Variants in WSCD2 observed in about 807,000 individuals in gnomAD.
WSCD2 encodes WSC domain sialate O sulfotransferase 2.
WSCD2 carries 28 observed loss-of-function variants against 55.7 expected under a neutral mutation model. The observed-to-expected ratio is 0.50, with a 90% confidence interval of 0.37 to 0.69. The LOEUF is 0.69. Among genes scored for constraint, WSCD2 ranks in the 30% least tolerant of loss-of-function variants. The pLI, the probability that WSCD2 is intolerant of heterozygous loss-of-function variation, is 0.00. For synonymous variants in WSCD2, 301 were observed against 301.9 expected (o/e 1.00, Z 0.03); for missense variants, 616 against 762.1 (o/e 0.81, Z 2.26).
At chr12:108,184,373 G>A (rs1033913714) in intron 1 of WSCD2, among the ~76,000 whole-genome samples, 23 of 152,204 alleles carry the variant, frequency 1.5e-4, no homozygotes, top group African/African-American at 5.6e-4. Context: ...GTGATTTGGG[G>A]GTGGGGATGG....
rs538408154 is a variant in WSCD2, at chr12:108,235,740, G to A, written c.1144+2845G>A. Among the ~76,000 whole-genome samples, 333 of 152,288 alleles carry A rather than the reference G, an allele frequency of 2.2e-3. 1 individual carries two copies. Among genetic ancestry groups the A allele is most frequent in the Admixed American group, 3.7e-3 (56 of 15,298 alleles). ...TCCTTCATTCGTACTGAGACAGGCA[G>A]GGGGTAGTGGGCTGGTCACAGGCAG... On this transcript the variant is annotated intron_variant, in intron 7 of 8. Transcript: ENST00000547525.
intron 4 of WSCD2, among the ~76,000 whole-genome samples, chr12:108,222,681 TGGAGGTCTCACTATGTTGGCCA>T (rs1565980707): frequency 6.6e-6 from 1 of 152,170 alleles, no homozygotes; most frequent in Non-Finnish European, 1.5e-5. Context: ...TTAATAGAGA[TGGAGGTCTCACTATGTTGGCCA>T]GGTTGGTCTT....
chr12:108,178,756 G>A (rs1881246177), intron 1 of WSCD2, among the ~76,000 whole-genome samples: 1 of 152,092 alleles, frequency 6.6e-6, no homozygotes, highest in African/African-American at 2.4e-5. Context: ...AATTTTAACT[G>A]GATTACCCCT....
intron 7 of WSCD2, among the ~76,000 whole-genome samples, chr12:108,234,506 T>C (rs553801577): frequency 6.6e-6 from 1 of 152,382 alleles, no homozygotes; most frequent in South Asian, 2.1e-4. Context: ...GCTTGAGTGA[T>C]TGTTTATTAA....
intron 4 of WSCD2, among the ~76,000 whole-genome samples, chr12:108,222,892 G>T (rs1276332519): frequency 6.6e-6 from 1 of 152,216 alleles, no homozygotes; most frequent in Non-Finnish European, 1.5e-5. Context: ...AGAACCAACA[G>T]GATTAAAACC....
At chr12:108,217,917 G>A (rs1009283176) in intron 4 of WSCD2, among the ~76,000 whole-genome samples, 6 of 113,446 alleles carry the variant, frequency 5.3e-5, no homozygotes, top group African/African-American at 1.2e-4. Flanking sequence ...AATGTCAAAG[G>A]GAGGCCAGTC....
chr12:108,202,516 GGC>G (rs1029058632), intron 2 of WSCD2, among the ~76,000 whole-genome samples: 7 of 151,974 alleles, frequency 4.6e-5, no homozygotes, highest in Non-Finnish European at 1.0e-4. Context: ...TAAAAGCCCA[GGC>G]TTATAAAAAA....
At chr12:108,199,213 G>A (rs746530776) in intron 2 of WSCD2, among the ~76,000 whole-genome samples, 4 of 152,128 alleles carry the variant, frequency 2.6e-5, no homozygotes, top group Non-Finnish European at 4.4e-5. Flanking sequence ...TAATAAAAAT[G>A]AGACACTTCT....
intron 1 of WSCD2, among the ~76,000 whole-genome samples, chr12:108,179,172 C>T (rs186561621): frequency 1.3e-5 from 2 of 151,658 alleles, no homozygotes; most frequent in East Asian, 3.9e-4. Context: ...GTCCCTGGAC[C>T]AGCAGCATCA....
At chr12:108,220,322 A>C (rs1190990038) in intron 4 of WSCD2, among the ~76,000 whole-genome samples, 1 of 152,256 alleles carries the variant, frequency 6.6e-6, no homozygotes. Flanking sequence ...TAAATATCAA[A>C]GATGTCAGAC....
intron 4 of WSCD2, among the ~76,000 whole-genome samples, chr12:108,213,306 G>A (rs1241463804): frequency 2.6e-5 from 4 of 152,160 alleles, no homozygotes; most frequent in African/African-American, 4.8e-5. Context: ...GGGCTGCGGG[G>A]GCTCTGTCTT....
At chr12:108,168,997 A>G (rs570844402) in intron 1 of WSCD2, among the ~76,000 whole-genome samples, 11 of 152,324 alleles carry the variant, frequency 7.2e-5, no homozygotes, top group Admixed American at 6.5e-4. Context: ...CTCATTGCTC[A>G]CATTACTGCC....
At chr12:108,239,941 G>C (rs567655754) in intron 7 of WSCD2, among the ~76,000 whole-genome samples, 8 of 152,060 alleles carry the variant, frequency 5.3e-5, no homozygotes, top group African/African-American at 1.9e-4. Flanking sequence ...GGCTGGTTTC[G>C]AACTCCTGGG....
rs1187679579 is a variant in WSCD2 at position 108,149,254 on chromosome 12, A to G, written c.-552+19328A>G. 4.6e-5 allele frequency among the ~76,000 whole-genome samples: 7 copies of G among 152,332 alleles called. No individual in the cohort carries two copies. The South Asian group carries it at 6.2e-4, about 14-fold the overall frequency. ...CAACAGATTTGCAGTCAAGCTAAAC[A>G]TTGGGAAACCTCTGAGCAAATGGAG... On this transcript the variant is annotated intron_variant, in intron 1 of 8. Transcript: ENST00000547525.
intron 6 of WSCD2, among the ~76,000 whole-genome samples, chr12:108,228,691 A>G (rs1888403863): frequency 1.3e-5 from 2 of 152,194 alleles, no homozygotes; most frequent in Non-Finnish European, 2.9e-5. Context: ...AGGAGTGGGC[A>G]CCTTTTTCTG....
At chr12:108,169,191 A>G (rs1333703018) in intron 1 of WSCD2, among the ~76,000 whole-genome samples, 1 of 152,248 alleles carries the variant, frequency 6.6e-6, no homozygotes, top group Admixed American at 6.5e-5. Context: ...GTCTAGTTGC[A>G]GGAAAACAAG....
intron 1 of WSCD2, among the ~76,000 whole-genome samples, chr12:108,173,454 C>T (rs1880443231): frequency 6.6e-6 from 1 of 152,158 alleles, no homozygotes; most frequent in Admixed American, 6.5e-5. Context: ...GAATCAGAAG[C>T]TTCTATGGCT....
intron 6 of WSCD2, among the ~76,000 whole-genome samples, chr12:108,232,381 G>A (rs1191766167): frequency 1.3e-5 from 2 of 152,114 alleles, no homozygotes; most frequent in African/African-American, 4.8e-5. Context: ...AAGGGTAGGG[G>A]TGAATGGGAA....
chr12:108,202,401 AG>A (rs1268812460), intron 2 of WSCD2, among the ~76,000 whole-genome samples: 2 of 152,172 alleles, frequency 1.3e-5, no homozygotes, highest in Non-Finnish European at 2.9e-5. Context: ...AAGGAAACAG[AG>A]GGTCATTCGT....
Sources: allele counts gnomAD v4.1 joint callset (sites outside exome capture counted in the v4.1 genomes callset), GRCh38; gene constraint gnomAD v4.1.1; transcripts MANE v1.5; gene names NCBI Gene and HGNC (gene_info 2026-07-23, HGNC 2026-07-21).